Variants in CPNE4 observed in about 807,000 individuals in gnomAD.
CPNE4 encodes the protein copine-4.
CPNE4 carries 25 observed loss-of-function variants against 67.9 expected under a neutral mutation model. The observed-to-expected ratio is 0.37, with a 90% confidence interval of 0.27 to 0.51. The LOEUF (loss-of-function observed/expected upper bound fraction) is 0.51, where lower values mean the gene tolerates loss of function less well. CPNE4 is among the 20% of genes least tolerant of loss of function. The pLI is 0.93. For synonymous variants in CPNE4, 242 were observed against 244.9 expected (o/e 0.99, Z 0.11); for missense variants, 464 against 690.8 (o/e 0.67, Z 3.68).
intron 7 of CPNE4, among the ~76,000 whole-genome samples, chr3:131,590,540 A>C (rs1481727957): frequency 6.6e-6 from 1 of 152,242 alleles, no homozygotes; most frequent in African/African-American, 2.4e-5. Flanking sequence ...GTACTATCGT[A>C]GGAATAGGCA....
chr3:131,981,554 C>G (rs1336721588), intron 1 of CPNE4, among the ~76,000 whole-genome samples: 1 of 152,164 alleles, frequency 6.6e-6, no homozygotes, highest in Admixed American at 6.5e-5. Context: ...TGGTTCTTCC[C>G]CTGCCTGTGG....
At chr3:131,946,380 A>G (rs2107872192) in intron 1 of CPNE4, among the ~76,000 whole-genome samples, 1 of 152,322 alleles carries the variant, frequency 6.6e-6, no homozygotes, top group South Asian at 2.1e-4. Context: ...CTAAATATAT[A>G]ATATTCCATT....
chr3:131,541,664 C>A (rs908066405), intron 15 of CPNE4, among the ~76,000 whole-genome samples: 1 of 150,390 alleles, frequency 6.6e-6, no homozygotes, highest in Non-Finnish European at 1.5e-5. Context: ...CTGACTTTAA[C>A]TGTCTTATTT....
intron 7 of CPNE4, among the ~76,000 whole-genome samples, chr3:131,603,280 T>C (rs1484094049): frequency 1.3e-5 from 2 of 152,152 alleles, no homozygotes; most frequent in East Asian, 1.9e-4. Context: ...GCAATAAAGA[T>C]GGGAAGATAG....
chr3:131,781,003 C>T (rs1486574568), intron 2 of CPNE4, among the ~76,000 whole-genome samples: 1 of 152,012 alleles, frequency 6.6e-6, no homozygotes, highest in East Asian at 1.9e-4. Flanking sequence ...GGTCATGAAC[C>T]TTGGCCATGG....
At chr3:131,556,520 C>T (rs1321732484) in intron 11 of CPNE4, among the ~76,000 whole-genome samples, 2 of 152,034 alleles carry the variant, frequency 1.3e-5, no homozygotes, top group East Asian at 3.9e-4. Context: ...GTTTTTTGAA[C>T]TCAAAGAGAC....
At chr3:131,606,829 A>G (rs72999274) in intron 7 of CPNE4, among the ~76,000 whole-genome samples, 20,078 of 151,778 alleles carry the variant, frequency 0.13, 1,878 homozygotes, top group African/African-American at 0.26. Context: ...ATAATACAAT[A>G]TTTCTCTTTT....
chr3:131,538,789 G>C (rs1935318372), intron 15 of CPNE4: 1 of 152,250 alleles, frequency 6.6e-6, no homozygotes, highest in Non-Finnish European at 1.5e-5. Flanking sequence ...TTATAAAAGA[G>C]AGTCTGCCCC....
At chr3:131,719,118 A>G (rs1001185686) in intron 3 of CPNE4, among the ~76,000 whole-genome samples, 9 of 152,204 alleles carry the variant, frequency 5.9e-5, no homozygotes, top group Admixed American at 3.3e-4. Context: ...ACAGTTTGGG[A>G]AACATGGTTT....
intron 11 of CPNE4, among the ~76,000 whole-genome samples, chr3:131,563,679 G>A (rs924330938): frequency 1.3e-5 from 2 of 151,984 alleles, no homozygotes; most frequent in African/African-American, 4.8e-5. Flanking sequence ...GCTAAGCTGT[G>A]GAGTGGGTAG....
intron 1 of CPNE4, among the ~76,000 whole-genome samples, chr3:131,960,974 C>G (rs1042465766): frequency 6.6e-6 from 1 of 152,188 alleles, no homozygotes; most frequent in Admixed American, 6.5e-5. Flanking sequence ...ATGCAGCAGG[C>G]ATACAAGCTT....
intron 2 of CPNE4, among the ~76,000 whole-genome samples, chr3:131,897,197 A>G (rs1315648185): frequency 6.6e-6 from 1 of 152,070 alleles, no homozygotes; most frequent in Non-Finnish European, 1.5e-5. Flanking sequence ...GTGCAGTGTC[A>G]TGAAGACAAC....
chr3:131,886,862 T>G (rs1045861972), intron 2 of CPNE4, among the ~76,000 whole-genome samples: 16 of 152,194 alleles, frequency 1.1e-4, no homozygotes, highest in African/African-American at 3.9e-4. Context: ...CCCATCATAT[T>G]TGGAATAACT....
At chr3:131,655,591 C>T (rs1007136861) in intron 7 of CPNE4, among the ~76,000 whole-genome samples, 6 of 152,042 alleles carry the variant, frequency 3.9e-5, no homozygotes, top group Non-Finnish European at 7.4e-5. Flanking sequence ...ATAAAGCATG[C>T]CGTGTGGTCA....
chr3:131,868,869 A>G (rs148252463), intron 2 of CPNE4, among the ~76,000 whole-genome samples: 4 of 152,266 alleles, frequency 2.6e-5, no homozygotes, highest in Non-Finnish European at 5.9e-5. Context: ...AGAGTGAACG[A>G]CCGTCTCTTT....
At chr3:131,581,548 A>G (rs1460049275) in intron 9 of CPNE4, 31 bp downstream of exon 9, 2 of 1,458,792 alleles carry the variant, frequency 1.4e-6, no homozygotes, top group South Asian at 2.3e-5. Flanking sequence ...CCCTAGCTTC[A>G]TACTCCTGGA....
intron 7 of CPNE4, among the ~76,000 whole-genome samples, chr3:131,656,693 T>A (rs1220515220): frequency 6.6e-6 from 1 of 152,224 alleles, no homozygotes; most frequent in Non-Finnish European, 1.5e-5. Flanking sequence ...CACTTATATT[T>A]CAGTAGAGGA....
rs2083634491 is a variant in CPNE4, at chr3:131,788,857, C to T, written c.181-65232G>A. 3.3e-5 allele frequency among the ~76,000 whole-genome samples: 5 copies of T among 151,922 alleles called. No homozygotes were observed. The South Asian group carries it at 1.0e-3, about 31-fold the overall frequency. On this transcript the variant is annotated intron_variant, in intron 2 of 15. Coordinates refer to ENST00000429747, the MANE Select transcript of CPNE4 (RefSeq NM_130808.3). The stretch of plus-strand genomic sequence containing the variant: ...ATTTACTTATATTTATACATACACA[C>T]ATATATATATAATACTAACAGAAAT...
chr3:131,570,740 A>G (rs898073095), intron 10 of CPNE4, among the ~76,000 whole-genome samples: 8 of 152,070 alleles, frequency 5.3e-5, no homozygotes, highest in Non-Finnish European at 7.4e-5. Flanking sequence ...AATTGCATGC[A>G]AAACTGGATG....
Sources: allele counts gnomAD v4.1 joint callset (sites outside exome capture counted in the v4.1 genomes callset), GRCh38; gene constraint gnomAD v4.1.1; transcripts MANE v1.5; gene names NCBI Gene and HGNC (gene_info 2026-07-23, HGNC 2026-07-21).